Variants in ATP11B observed in about 807,000 individuals in gnomAD.
ATP11B encodes ATPase phospholipid transporting 11B (putative).
Under a neutral mutation model 157.8 loss-of-function variants are expected in ATP11B, and 81 were observed. That is an observed-to-expected ratio of 0.51 (90% CI 0.43 to 0.62). The LOEUF (loss-of-function observed/expected upper bound fraction) is 0.62, where lower values mean the gene tolerates loss of function less well. Ranked by LOEUF, ATP11B falls within the 20% of genes least tolerant of loss-of-function variation. The pLI is 0.00. For synonymous variants in ATP11B, 451 were observed against 469.4 expected (o/e 0.96, Z 0.51); for missense variants, 1,165 against 1,402.2 (o/e 0.83, Z 2.70).
chr3:182,812,721 A>G (rs893286295), intron 1 of ATP11B, among the ~76,000 whole-genome samples: 1 of 152,232 alleles, frequency 6.6e-6, no homozygotes, highest in South Asian at 2.1e-4. Flanking sequence ...TGTGTGAAAT[A>G]TACATAATAT....
intron 8 of ATP11B, chr3:182,844,526 G>A (rs1270031063): frequency 1.3e-5 from 13 of 980,352 alleles, no homozygotes; most frequent in East Asian, 1.1e-4. Flanking sequence ...ATTCCTTGTC[G>A]TTTTATATCT....
chr3:182,836,874 G>A (rs1718592943), intron 6 of ATP11B, among the ~76,000 whole-genome samples, 197 bp from the exon 7 acceptor site: 1 of 152,026 alleles, frequency 6.6e-6, no homozygotes, highest in Non-Finnish European at 1.5e-5. Flanking sequence ...TGTGCAAATG[G>A]CCTCTTTAGA....
chr3:182,909,717 A>G (rs946161779), intron 28 of ATP11B, among the ~76,000 whole-genome samples: 8 of 152,196 alleles, frequency 5.3e-5, no homozygotes, highest in African/African-American at 1.9e-4. Context: ...AGAGAACAGT[A>G]TAGCATTTTC....
chr3:182,914,275 G>A (rs1724997875), intron 29 of ATP11B: 1 of 1,140,816 alleles, frequency 8.8e-7, no homozygotes, highest in South Asian at 3.0e-5. Flanking sequence ...CAGTAGGAGT[G>A]TGTTTATGGT....
At chr3:182,874,152 G>C in intron 19 of ATP11B, 137 bp downstream of exon 19, 1 of 668,902 alleles carries the variant, frequency 1.5e-6, no homozygotes, top group Non-Finnish European at 2.5e-6. Context: ...TTTTTTGATA[G>C]ATGAAATCCA....
At chr3:182,914,766 G>T in intron 29 of ATP11B, 2 of 985,286 alleles carry the variant, frequency 2.0e-6, no homozygotes, top group Non-Finnish European at 2.4e-6. Flanking sequence ...ACTTGCAATG[G>T]ATTTATTTAT....
chr3:182,917,189 G>A (rs995181767), intron 29 of ATP11B: 42 of 985,236 alleles, frequency 4.3e-5, no homozygotes, highest in Non-Finnish European at 4.7e-5. Flanking sequence ...TTTAGGGAAG[G>A]TGGGAACCCT....
chr3:182,794,602 A>G lies in ATP11B; in HGVS notation c.27+816A>G, dbSNP rs532638442. 2.6e-5 allele frequency among the ~76,000 whole-genome samples: 4 copies of G among 152,302 alleles called. No individual in the cohort carries two copies. The East Asian group carries it at 7.7e-4, about 29-fold the overall frequency. On this transcript the variant is annotated intron_variant, in intron 1 of 29. Coordinates refer to ENST00000323116, the MANE Select transcript of ATP11B (RefSeq NM_014616.3). ...TTATTGGAACATCTGGACACCACCA[A>G]CAAAAAATCTTAGAAAAGGGTCATT...
chr3:182,824,428 T>C (rs1293474195), intron 2 of ATP11B, among the ~76,000 whole-genome samples: 2 of 152,238 alleles, frequency 1.3e-5, no homozygotes, highest in Non-Finnish European at 2.9e-5. Flanking sequence ...TCACAATTTA[T>C]ACTTCTTCCA....
In ATP11B at chr3:182,836,049, G is replaced by T. The variant is rs1202108712; in HGVS notation, c.330G>T (p.Trp110Cys). Reference protein sequence around the residue: ...VTAIKQGYEDWLRHNSDNEVN... With the variant: ...VTAIKQGYEDCLRHNSDNEVN... Reference sequence around the variant, plus strand: ...GATATTTACAGGGATATGAAGATTGGTTACGGCATAACTCAGATAATGAAG... The same window carrying T: ...GATATTTACAGGGATATGAAGATTGTTTACGGCATAACTCAGATAATGAAG... The change falls in exon 5 of 30, where the codon TGG (tryptophan) becomes TGT (cysteine). Residue 110 changes from tryptophan (W) to cysteine (C), a missense_variant. Around this residue, in one of 4 missense-constraint regions of ATP11B, gnomAD observed 34 missense variants for 79.6 expected, o/e 0.43. Transcript: ENST00000323116. The T allele has an allele frequency of 1.2e-6, 2 of 1,612,280 alleles. No homozygotes were observed. The highest frequency in any genetic ancestry group is 8.5e-7 in the Non-Finnish European group (1 of 1,178,962).
rs1169420365 is a variant in ATP11B at position 182,920,949 on chromosome 3, C to T, written c.*2845C>T. 1.3e-5 allele frequency: 2 copies of T among 152,202 alleles called. No individual in the cohort carries two copies. The highest frequency in any genetic ancestry group is 2.4e-5 in the African/African-American group (1 of 41,454). 9.4% of individuals were successfully genotyped at this position (152,202 alleles called of 1,614,324 possible). ...GAGACTAAACAGAGGCAAATCAACC[C>T]TAGGAAATACTTGCATTCTGCCCTA... is the stretch of plus-strand genomic sequence containing the variant. On this transcript the variant is annotated 3_prime_UTR_variant, in exon 30 of 30. Transcript: ENST00000323116.
intron 9 of ATP11B, among the ~76,000 whole-genome samples, chr3:182,846,118 T>G (rs1471643119): frequency 6.6e-6 from 1 of 152,186 alleles, no homozygotes; most frequent in East Asian, 1.9e-4. Context: ...GATGATAACC[T>G]TTAGCTGTTA....
At chr3:182,832,365 T>C (rs886305983) in intron 4 of ATP11B, among the ~76,000 whole-genome samples, 15 of 152,146 alleles carry the variant, frequency 9.9e-5, no homozygotes, top group African/African-American at 3.6e-4. Context: ...ACAAAGATTT[T>C]CTCCTTAACT....
At chr3:182,909,307 A>G (rs1437255955) in intron 28 of ATP11B, among the ~76,000 whole-genome samples, 1 of 152,234 alleles carries the variant, frequency 6.6e-6, no homozygotes, top group African/African-American at 2.4e-5. Flanking sequence ...TTGAATAGAC[A>G]TAGTTGTTTT....
At chr3:182,836,580 T>A in intron 6 of ATP11B, 110 bp downstream of exon 6, 1 of 1,238,010 alleles carries the variant, frequency 8.1e-7, no homozygotes, top group Non-Finnish European at 1.1e-6. Context: ...TAAGGGGAAG[T>A]TTTTAAAATT....
chr3:182,894,252 T>G lies in ATP11B; in HGVS notation c.2983-2448T>G, dbSNP rs2108574885. On this transcript the variant is annotated intron_variant, in intron 25 of 29. Coordinates refer to ENST00000323116, the MANE Select transcript of ATP11B (RefSeq NM_014616.3). Reference sequence around the variant, plus strand: ...ATTTCTGTAATCTGACAGGGTCAACTTTTTTGTAGTTGCTTTTAAACAGAG... The same window carrying G: ...ATTTCTGTAATCTGACAGGGTCAACGTTTTTGTAGTTGCTTTTAAACAGAG... Among the ~76,000 whole-genome samples, 3 of 152,354 alleles carry G rather than the reference T, an allele frequency of 2.0e-5. 1 individual carries two copies. Among genetic ancestry groups the G allele is most frequent in the Admixed American group, 2.0e-4 (3 of 15,306 alleles).
At chr3:182,828,000 T>A (rs952587179) in intron 2 of ATP11B, 120 bp from the exon 3 acceptor site, 1 of 399,314 alleles carries the variant, frequency 2.5e-6, no homozygotes, top group Admixed American at 4.5e-5. Flanking sequence ...CTGTAGCATA[T>A]AGACTTACAG....
chr3:182,896,477 C>G (rs1723555770), intron 25 of ATP11B, among the ~76,000 whole-genome samples: 1 of 152,188 alleles, frequency 6.6e-6, no homozygotes, highest in African/African-American at 2.4e-5. Context: ...GGGTTCCAGT[C>G]TGATAATGAT....
rs568269383 is a variant in ATP11B, at chr3:182,813,786, G to A, written c.28-6474G>A. 3.1e-3 allele frequency among the ~76,000 whole-genome samples: 478 copies of A among 151,928 alleles called. 4 individuals carry two copies. The highest frequency in any genetic ancestry group is 0.011 in the African/African-American group (459 of 41,442). On this transcript the variant is annotated intron_variant, in intron 1 of 29. Transcript: ENST00000323116. Reference sequence around the variant, plus strand: ...TCTGTTGCCCAGGCTGGAGTGCAGTGGCATTATTGTGGCTCATTGCAACCT... The same window carrying A: ...TCTGTTGCCCAGGCTGGAGTGCAGTAGCATTATTGTGGCTCATTGCAACCT...
Sources: allele counts gnomAD v4.1 joint callset (sites outside exome capture counted in the v4.1 genomes callset), GRCh38; gene constraint gnomAD v4.1.1; regional missense constraint gnomAD v4.1.1; transcripts MANE v1.5; gene names NCBI Gene and HGNC (gene_info 2026-07-23, HGNC 2026-07-21).